Variants in EPM2A observed in about 807,000 individuals in gnomAD.
EPM2A encodes EPM2A glucan phosphatase, laforin.
Under a neutral mutation model 26.5 loss-of-function variants are expected in EPM2A, and 21 were observed. That is an observed-to-expected ratio of 0.79 (90% CI 0.56 to 1.14). EPM2A has a LOEUF of 1.14. Ranked by LOEUF, EPM2A falls within the 50% of genes most tolerant of loss-of-function variation. EPM2A has a pLI of 0.00. For missense variants in EPM2A, 458 were observed against 440.8 expected, an observed-to-expected ratio of 1.04 and a Z score of -0.35; for synonymous variants, 217 against 177.6, an observed-to-expected ratio of 1.22 and a Z score of -1.76.
At chr6:145,583,096 A>G (rs944245088) in intron 2 of EPM2A, among the ~76,000 whole-genome samples, 2 of 152,050 alleles carry the variant, frequency 1.3e-5, no homozygotes, top group African/African-American at 4.8e-5. Context: ...TTGGATTTCA[A>G]CTTTCACCTA....
rs201731876 is a variant in EPM2A, at chr6:145,681,389, C to T, written c.476+4733G>A. Among the ~76,000 whole-genome samples the T allele has an allele frequency of 9.3e-5, 14 of 149,872 alleles. No individual in the cohort carries two copies. The East Asian group carries it at 1.2e-3, about 13-fold the overall frequency. ...TTTCTTTTGCTGTGCAGAAGCTCTT[C>T]AGTTTAATTAGATCCCATTTGTCAA... is the stretch of plus-strand genomic sequence containing the variant. On this transcript the variant is annotated intron_variant, in intron 2 of 3. Coordinates refer to ENST00000367519, the MANE Select transcript of EPM2A (RefSeq NM_005670.4).
intron 4 of EPM2A, among the ~76,000 whole-genome samples, chr6:145,394,609 G>A (rs1237137451): frequency 6.6e-6 from 1 of 152,106 alleles, no homozygotes; most frequent in East Asian, 1.9e-4. Flanking sequence ...AACTGAAAGT[G>A]ATGGAAGTTT....
At chr6:145,624,405 A>G (rs553223009), downstream of EPM2A, among the ~76,000 whole-genome samples, 11 of 152,158 alleles carry the variant, frequency 7.2e-5, no homozygotes, top group Non-Finnish European at 1.3e-4. Flanking sequence ...TCTTACTACA[A>G]TTTTTATTAA....
chr6:145,633,673 G>GT (rs1424026451), intron 3 of EPM2A: 1 of 152,206 alleles, frequency 6.6e-6, no homozygotes, highest in Non-Finnish European at 1.5e-5. Flanking sequence ...GGTCCTCATG[G>GT]TTTTTTATCT....
intron 1 of EPM2A, among the ~76,000 whole-genome samples, chr6:145,706,236 T>C (rs1020167416): frequency 9.9e-5 from 15 of 152,176 alleles, no homozygotes; most frequent in Non-Finnish European, 2.1e-4. Flanking sequence ...GGGTTGCTTA[T>C]TGGGCATATA....
intron 4 of EPM2A, among the ~76,000 whole-genome samples, chr6:145,416,637 G>A (rs571941869): frequency 6.6e-6 from 1 of 152,162 alleles, no homozygotes; most frequent in African/African-American, 2.4e-5. Context: ...TTTGCACATG[G>A]CAGCTTTTAG....
At chr6:145,587,577 G>T (rs1486856747) in intron 2 of EPM2A, among the ~76,000 whole-genome samples, 1 of 152,206 alleles carries the variant, frequency 6.6e-6, no homozygotes, top group Non-Finnish European at 1.5e-5. Context: ...CTGGAGATAA[G>T]ATTTCTGTCA....
At chr6:145,700,068 T>G (rs538051158) in intron 1 of EPM2A, among the ~76,000 whole-genome samples, 1 of 152,274 alleles carries the variant, frequency 6.6e-6, no homozygotes, top group East Asian at 1.9e-4. Flanking sequence ...AATGTGATAA[T>G]AATCTAAAGA....
chr6:145,532,279 G>A (rs566869448), intron 2 of EPM2A, among the ~76,000 whole-genome samples: 1 of 152,146 alleles, frequency 6.6e-6, no homozygotes, highest in African/African-American at 2.4e-5. Flanking sequence ...TTAAGATGAA[G>A]TTATAGGATA....
At chr6:145,645,216 T>G (rs933666043) in intron 2 of EPM2A, among the ~76,000 whole-genome samples, 1 of 152,242 alleles carries the variant, frequency 6.6e-6, no homozygotes, top group African/African-American at 2.4e-5. Flanking sequence ...TCTTAAATTT[T>G]TATCAACTAA....
intron 2 of EPM2A, among the ~76,000 whole-genome samples, chr6:145,650,964 G>A (rs1193408781): frequency 6.6e-6 from 1 of 152,144 alleles, no homozygotes; most frequent in Non-Finnish European, 1.5e-5. Context: ...TAGGGCTGTG[G>A]GAAATGGAAA....
chr6:145,587,855 T>C (rs1328702873), intron 2 of EPM2A, among the ~76,000 whole-genome samples: 2 of 152,230 alleles, frequency 1.3e-5, no homozygotes, highest in Non-Finnish European at 2.9e-5. Context: ...ATGCCATTTT[T>C]CTAAATAAAT....
At chr6:145,647,697 G>A (rs1254325239) in intron 2 of EPM2A, among the ~76,000 whole-genome samples, 1 of 151,862 alleles carries the variant, frequency 6.6e-6, no homozygotes, top group African/African-American at 2.4e-5. Context: ...GGAAGGGAAA[G>A]GGAAAGGGGA....
intron 4 of EPM2A, among the ~76,000 whole-genome samples, chr6:145,442,649 G>A (rs1779080141): frequency 6.6e-6 from 1 of 151,188 alleles, no homozygotes; most frequent in Non-Finnish European, 1.5e-5. Context: ...ATTTGGTTGG[G>A]GACACAGACA....
chr6:145,613,602 T>A (rs1004670600), intron 2 of EPM2A, among the ~76,000 whole-genome samples: 3 of 152,208 alleles, frequency 2.0e-5, no homozygotes, highest in Non-Finnish European at 4.4e-5. Context: ...AATCCATGGA[T>A]TACAGAATGA....
intron 1 of EPM2A, among the ~76,000 whole-genome samples, chr6:145,692,800 C>A (rs1177087029): frequency 6.6e-6 from 1 of 152,066 alleles, no homozygotes; most frequent in Non-Finnish European, 1.5e-5. Context: ...AAGTACCATA[C>A]TGTTTTGGTT....
chr6:145,734,599 C>T (rs905520819), intron 1 of EPM2A: 2 of 152,146 alleles, frequency 1.3e-5, no homozygotes, highest in African/African-American at 2.4e-5. Flanking sequence ...AGTTCATTCT[C>T]AATATCTATG....
At chr6:145,550,012 G>A (rs939508829) in intron 2 of EPM2A, among the ~76,000 whole-genome samples, 1 of 152,040 alleles carries the variant, frequency 6.6e-6, no homozygotes, top group Non-Finnish European at 1.5e-5. Context: ...ATGTTGCAGA[G>A]TCCAGTAGAA....
intron 2 of EPM2A, among the ~76,000 whole-genome samples, chr6:145,605,857 A>G (rs923048366): frequency 1.3e-5 from 2 of 152,184 alleles, no homozygotes; most frequent in Non-Finnish European, 2.9e-5. Flanking sequence ...ATGATACATC[A>G]AATCATGGCA....
Sources: allele counts gnomAD v4.1 joint callset (sites outside exome capture counted in the v4.1 genomes callset), GRCh38; gene constraint gnomAD v4.1.1; transcripts MANE v1.5; gene names NCBI Gene and HGNC (gene_info 2026-07-23, HGNC 2026-07-21).